SLIT2: variants seen among roughly 807,000 people sequenced by gnomAD.
SLIT2 encodes slit guidance ligand 2, also known as slit homolog 2 protein.
A neutral mutation model predicts 185.7 loss-of-function variants in SLIT2; 41 were observed. That is an observed-to-expected ratio of 0.22 (90% CI 0.17 to 0.29). The LOEUF (loss-of-function observed/expected upper bound fraction) is 0.29, where lower values mean the gene tolerates loss of function less well. SLIT2 is among the 10% of genes least tolerant of loss of function. The pLI is 1.00. For missense variants in SLIT2, 1,571 were observed against 1,909.0 expected (o/e 0.82, Z 3.30); for synonymous variants, 693 against 680.2 (o/e 1.02, Z -0.29).
chr4:20,454,112 G>A (rs2148718458), intron 4 of SLIT2, among the ~76,000 whole-genome samples: 1 of 152,218 alleles, frequency 6.6e-6, no homozygotes, highest in African/African-American at 2.4e-5. Context: ...AATTCTAAAG[G>A]ATAGAAAGCA....
At chr4:20,424,464 T>A (rs920372659) in intron 4 of SLIT2, among the ~76,000 whole-genome samples, 1 of 152,090 alleles carries the variant, frequency 6.6e-6, no homozygotes, top group African/African-American at 2.4e-5. Context: ...TAACATCTCA[T>A]ACAATAAAAT....
chr4:20,383,241 A>C lies in SLIT2; in HGVS notation c.396-84511A>C, dbSNP rs184427621. Among the ~76,000 whole-genome samples, 76 of 152,332 alleles carry C rather than the reference A, an allele frequency of 5.0e-4. 1 individual carries two copies. The East Asian group carries it at 0.013, about 26-fold the overall frequency. Reference sequence around the variant, plus strand: ...TAAATAGAACACAGAAAGCAGAAACATTAAACATTCGTCCTCTCCAAAAGA... The same window carrying C: ...TAAATAGAACACAGAAAGCAGAAACCTTAAACATTCGTCCTCTCCAAAAGA... On this transcript the variant is annotated intron_variant, in intron 4 of 36. Coordinates refer to ENST00000504154, the MANE Select transcript of SLIT2 (RefSeq NM_004787.4).
At chr4:20,431,949 C>T (rs1729015924) in intron 4 of SLIT2, among the ~76,000 whole-genome samples, 1 of 151,962 alleles carries the variant, frequency 6.6e-6, no homozygotes, top group African/African-American at 2.4e-5. Flanking sequence ...CTCTCTCTCT[C>T]TTTCTCTTTC....
At chr4:20,496,993 A>G (rs932038920) in intron 9 of SLIT2, among the ~76,000 whole-genome samples, 9 of 152,170 alleles carry the variant, frequency 5.9e-5, no homozygotes, top group Admixed American at 3.3e-4. Context: ...ATGGGTCTAG[A>G]ATGCTAAAAA....
intron 4 of SLIT2, among the ~76,000 whole-genome samples, chr4:20,327,790 A>G (rs1008071298): frequency 6.6e-6 from 1 of 152,076 alleles, no homozygotes. Context: ...ATTAATTATC[A>G]TCATCCATCT....
intron 4 of SLIT2, among the ~76,000 whole-genome samples, chr4:20,328,972 CAG>C (rs1180956417): frequency 1.3e-5 from 2 of 151,916 alleles, no homozygotes; most frequent in Admixed American, 6.6e-5. Flanking sequence ...GACAGAGAGA[CAG>C]AGATATTAAT....
chr4:20,270,600 T>C (rs926637764), intron 4 of SLIT2, among the ~76,000 whole-genome samples: 1 of 151,986 alleles, frequency 6.6e-6, no homozygotes, highest in Non-Finnish European at 1.5e-5. Context: ...TGTGTTCAGA[T>C]TTTTTTATGT....
intron 4 of SLIT2, among the ~76,000 whole-genome samples, chr4:20,293,934 T>A (rs1716219941): frequency 6.6e-6 from 1 of 152,142 alleles, no homozygotes; most frequent in East Asian, 1.9e-4. Context: ...TTTACTTTTT[T>A]TTTTTTCTAC....
At position 20,493,426 on chromosome 4, in the gene SLIT2, C is replaced by A. The variant is rs11943770; in HGVS notation, c.914+1527C>A. On this transcript the variant is annotated intron_variant, in intron 9 of 36. Coordinates refer to ENST00000504154, the MANE Select transcript of SLIT2 (RefSeq NM_004787.4). ...ACATTTATTAAGTGACTATTTACTA[C>A]CTAAAGGCACCATTAATTTTCCTGA... is the stretch of plus-strand genomic sequence containing the variant. Among the ~76,000 whole-genome samples, 1,444 of 152,206 alleles carry A rather than the reference C, an allele frequency of 9.5e-3. 27 individuals carry two copies. Among genetic ancestry groups the A allele is most frequent in the African/African-American group, 0.033 (1,380 of 41,530 alleles).
rs186374828 is a variant in SLIT2 at position 20,520,983 on chromosome 4, T to A, written c.1130+1530T>A. 2.1e-3 allele frequency among the ~76,000 whole-genome samples: 325 copies of A among 152,354 alleles called. 1 individual carries two copies. Among genetic ancestry groups the A allele is most frequent in the Non-Finnish European group, 3.6e-3 (246 of 68,032 alleles). ...TTATGCTATTCACAGCCTAGATGTCTGTACCCATTGTAGATATAGCTTGAT... is the reference window on the plus strand; with the variant it reads ...TTATGCTATTCACAGCCTAGATGTCAGTACCCATTGTAGATATAGCTTGAT... On this transcript the variant is annotated intron_variant, in intron 12 of 36. Transcript: ENST00000504154.
chr4:20,580,820 A>G (rs561220752), intron 29 of SLIT2, among the ~76,000 whole-genome samples: 1 of 152,254 alleles, frequency 6.6e-6, no homozygotes, highest in African/African-American at 2.4e-5. Flanking sequence ...CTTGTCATGG[A>G]GCACTCCTTC....
chr4:20,420,713 A>G (rs573850985), intron 4 of SLIT2, among the ~76,000 whole-genome samples: 16 of 152,172 alleles, frequency 1.1e-4, no homozygotes, highest in African/African-American at 3.6e-4. Flanking sequence ...AAGAGATTCA[A>G]ATGTTGACAC....
At chr4:20,429,129 G>A (rs1207552737) in intron 4 of SLIT2, among the ~76,000 whole-genome samples, 1 of 152,018 alleles carries the variant, frequency 6.6e-6, no homozygotes, top group Non-Finnish European at 1.5e-5. Flanking sequence ...AACACATGAA[G>A]TTTGTGGACA....
intron 4 of SLIT2, among the ~76,000 whole-genome samples, chr4:20,355,355 G>A (rs1160639253): frequency 6.6e-6 from 1 of 152,132 alleles, no homozygotes; most frequent in African/African-American, 2.4e-5. Context: ...TTGTGCCTTT[G>A]AGGGTTTTCT....
At chr4:20,409,773 T>C (rs1037302072) in intron 4 of SLIT2, among the ~76,000 whole-genome samples, 1 of 152,228 alleles carries the variant, frequency 6.6e-6, no homozygotes, top group African/African-American at 2.4e-5. Context: ...CTTACTGGTG[T>C]GAGATGATAT....
At chr4:20,475,268 T>A (rs1047531446) in intron 5 of SLIT2, among the ~76,000 whole-genome samples, 1 of 152,070 alleles carries the variant, frequency 6.6e-6, no homozygotes, top group African/African-American at 2.4e-5. Context: ...CCCACTTTAT[T>A]TTCTGTCTAA....
intron 16 of SLIT2, among the ~76,000 whole-genome samples, chr4:20,529,391 T>A (rs1721586898): frequency 6.6e-6 from 1 of 152,140 alleles, no homozygotes; most frequent in Non-Finnish European, 1.5e-5. Flanking sequence ...TGGGTATTAT[T>A]TATTCCCAAT....
intron 4 of SLIT2, among the ~76,000 whole-genome samples, chr4:20,375,488 G>A (rs1723944040): frequency 6.6e-6 from 1 of 151,994 alleles, no homozygotes; most frequent in Non-Finnish European, 1.5e-5. Context: ...TGTTGATTAT[G>A]AATAAAGAGT....
Position 20,480,697 on chromosome 4 carries a change from C to A in SLIT2, c.468-19C>A. On this transcript the variant is annotated intron_variant, in intron 5 of 36. Transcript: ENST00000504154. ...ACTGTCCATCCCTTCTACATATATTCTTCTAATCTTTTTAACAGGCAACTG... is the reference window on the plus strand; with the variant it reads ...ACTGTCCATCCCTTCTACATATATTATTCTAATCTTTTTAACAGGCAACTG... 2.5e-6 allele frequency: 4 copies of A among 1,598,132 alleles called. No homozygotes were observed. The highest frequency in any genetic ancestry group is 3.4e-6 in the Non-Finnish European group (4 of 1,165,606).
Sources: allele counts gnomAD v4.1 joint callset (sites outside exome capture counted in the v4.1 genomes callset), GRCh38; gene constraint gnomAD v4.1.1; transcripts MANE v1.5; gene names NCBI Gene and HGNC (gene_info 2026-07-23, HGNC 2026-07-21).